The following GALNTL6 variants were observed in gnomAD, a reference collection of about 807,000 sequenced individuals.
The protein encoded by GALNTL6 is polypeptide N-acetylgalactosaminyltransferase-like 6.
GALNTL6 carries 46 observed loss-of-function variants against 73.7 expected under a neutral mutation model. That is an observed-to-expected ratio of 0.62 (90% CI 0.49 to 0.80). The LOEUF (loss-of-function observed/expected upper bound fraction) is 0.80. Among genes scored for constraint, GALNTL6 ranks in the 30% least tolerant of loss-of-function variants. The pLI, the probability that GALNTL6 is intolerant of heterozygous loss-of-function variation, is 0.00. For synonymous variants in GALNTL6, 259 were observed against 263.7 expected (o/e 0.98, Z 0.17); for missense variants, 604 against 755.0 (o/e 0.80, Z 2.34).
chr4:172,036,946 C>A (rs1444034874), intron 2 of GALNTL6, among the ~76,000 whole-genome samples: 2 of 152,170 alleles, frequency 1.3e-5, no homozygotes, highest in African/African-American at 4.8e-5. Context: ...GATGTGTCAT[C>A]TCTTTTCTTT....
intron 5 of GALNTL6, among the ~76,000 whole-genome samples, chr4:172,750,006 T>C (rs1737336707): frequency 6.6e-6 from 1 of 152,222 alleles, no homozygotes; most frequent in African/African-American, 2.4e-5. Context: ...TGAAATTATG[T>C]CTGCACTACT....
At chr4:171,826,485 C>A (rs1304730055) in intron 2 of GALNTL6, among the ~76,000 whole-genome samples, 2 of 152,116 alleles carry the variant, frequency 1.3e-5, no homozygotes, top group Non-Finnish European at 2.9e-5. Context: ...ACATCCCTCA[C>A]AATAATATTT....
At chr4:172,644,962 C>A (rs900096093) in intron 5 of GALNTL6, among the ~76,000 whole-genome samples, 2 of 151,956 alleles carry the variant, frequency 1.3e-5, no homozygotes, top group African/African-American at 4.8e-5. Flanking sequence ...TATTGAACAA[C>A]TTTTCATATG....
chr4:173,010,416 A>G (rs564121210), intron 11 of GALNTL6, among the ~76,000 whole-genome samples: 4 of 152,188 alleles, frequency 2.6e-5, no homozygotes, highest in African/African-American at 7.2e-5. Flanking sequence ...TCATCTATTG[A>G]TGGACACTTA....
chr4:172,582,364 A>G (rs903632443), intron 5 of GALNTL6, among the ~76,000 whole-genome samples: 13 of 152,166 alleles, frequency 8.5e-5, no homozygotes, highest in African/African-American at 2.9e-4. Flanking sequence ...TAGTATGGCT[A>G]TCCCTTGGTA....
At chr4:172,490,376 C>A (rs1018414505) in intron 5 of GALNTL6, among the ~76,000 whole-genome samples, 3 of 151,956 alleles carry the variant, frequency 2.0e-5, no homozygotes, top group Non-Finnish European at 4.4e-5. Context: ...AATTCATACC[C>A]CAAAAATAGT....
chr4:172,766,226 T>C (rs1284676524), intron 5 of GALNTL6, among the ~76,000 whole-genome samples: 2 of 152,184 alleles, frequency 1.3e-5, no homozygotes, highest in Admixed American at 1.3e-4. Flanking sequence ...TAAACTTACT[T>C]TGTACAGTGT....
At chr4:172,433,437 C>A (rs1300688235) in intron 5 of GALNTL6, among the ~76,000 whole-genome samples, 2 of 152,104 alleles carry the variant, frequency 1.3e-5, no homozygotes, top group Non-Finnish European at 2.9e-5. Context: ...TATATACCCA[C>A]CCAGGCAGGA....
chr4:171,832,633 T>A (rs1040614080), intron 2 of GALNTL6, among the ~76,000 whole-genome samples: 14 of 151,728 alleles, frequency 9.2e-5, no homozygotes, highest in Non-Finnish European at 1.6e-4. Context: ...AACTTATCAT[T>A]TCTCATTTTA....
At chr4:171,860,660 T>C (rs997457960) in intron 2 of GALNTL6, among the ~76,000 whole-genome samples, 21 of 152,332 alleles carry the variant, frequency 1.4e-4, no homozygotes, top group African/African-American at 5.1e-4. Flanking sequence ...ATTGATTATA[T>C]TGTCTTCCTT....
intron 2 of GALNTL6, among the ~76,000 whole-genome samples, chr4:172,027,500 A>G: frequency 6.6e-6 from 1 of 152,046 alleles, no homozygotes; most frequent in East Asian, 1.9e-4. Context: ...GTTCTGACTG[A>G]TCCACTCACT....
At chr4:172,708,443 T>C (rs1174773635) in intron 5 of GALNTL6, among the ~76,000 whole-genome samples, 1 of 152,196 alleles carries the variant, frequency 6.6e-6, no homozygotes, top group Non-Finnish European at 1.5e-5. Flanking sequence ...CTGTACAGTT[T>C]ATGGTTAAGA....
chr4:172,863,316 C>T (rs115908911), intron 7 of GALNTL6, among the ~76,000 whole-genome samples: 5,290 of 152,242 alleles, frequency 0.035, 111 homozygotes, highest in Middle Eastern at 0.11. Flanking sequence ...ACAGCTTCCA[C>T]CATGGGCCTG....
At chr4:172,081,522 C>A (rs1488655494) in intron 2 of GALNTL6, among the ~76,000 whole-genome samples, 1 of 152,182 alleles carries the variant, frequency 6.6e-6, no homozygotes, top group African/African-American at 2.4e-5. Context: ...CCTGTAATCC[C>A]ACCTACTCAG....
intron 2 of GALNTL6, among the ~76,000 whole-genome samples, chr4:172,193,633 C>A (rs183263279): frequency 6.6e-6 from 1 of 151,994 alleles, no homozygotes; most frequent in East Asian, 1.9e-4. Flanking sequence ...GAGGCCGAGG[C>A]GGGTGGATCA....
intron 5 of GALNTL6, among the ~76,000 whole-genome samples, chr4:172,747,135 C>T (rs888211616): frequency 6.6e-6 from 1 of 151,750 alleles, no homozygotes; most frequent in African/African-American, 2.4e-5. Context: ...GTAATTTAAC[C>T]CCAAAATGCA....
chr4:172,685,267 A>G (rs1275532515), intron 5 of GALNTL6, among the ~76,000 whole-genome samples: 1 of 152,080 alleles, frequency 6.6e-6, no homozygotes, highest in African/African-American at 2.4e-5. Context: ...AATCTTTTTC[A>G]TTAGTTTAAA....
chr4:172,380,104 C>T (rs1291346786), intron 5 of GALNTL6: 1 of 983,910 alleles, frequency 1.0e-6, no homozygotes, highest in East Asian at 2.4e-5. Flanking sequence ...GGTGTTTCCA[C>T]TGCTCCTCTG....
At chr4:172,363,472 T>C (rs2111243893) in intron 5 of GALNTL6, among the ~76,000 whole-genome samples, 1 of 152,264 alleles carries the variant, frequency 6.6e-6, no homozygotes, top group African/African-American at 2.4e-5. Context: ...CACAGAGTGG[T>C]TGTGGGTATT....
Sources: allele counts gnomAD v4.1 joint callset (sites outside exome capture counted in the v4.1 genomes callset), GRCh38; gene constraint gnomAD v4.1.1; transcripts MANE v1.5; gene names NCBI Gene and HGNC (gene_info 2026-07-23, HGNC 2026-07-21).